SEMA5A: variants seen among roughly 807,000 people sequenced by gnomAD.
The protein encoded by SEMA5A is semaphorin 5A.
SEMA5A carries 55 observed loss-of-function variants against 135.5 expected under a neutral mutation model. The observed-to-expected ratio is 0.41, with a 90% CI of 0.33 to 0.51. The LOEUF is 0.51. Among genes scored for constraint, SEMA5A ranks in the 20% least tolerant of loss-of-function variants. The pLI is 0.37. For synonymous variants in SEMA5A, 580 were observed against 546.5 expected (o/e 1.06, Z -0.85); for missense variants, 1,290 against 1,419.9 (o/e 0.91, Z 1.47).
At chr5:9,088,670 A>T (rs749296956) in intron 16 of SEMA5A, among the ~76,000 whole-genome samples, 3 of 146,282 alleles carry the variant, frequency 2.1e-5, no homozygotes, top group African/African-American at 7.6e-5. Context: ...ACACACACAC[A>T]CTCATGGAAT....
intron 11 of SEMA5A, among the ~76,000 whole-genome samples, chr5:9,170,980 TGA>T (rs1380048625): frequency 2.0e-5 from 3 of 152,100 alleles, no homozygotes; most frequent in African/African-American, 7.2e-5. Context: ...TCAAAAGAGC[TGA>T]GAGAAGAAGG....
At chr5:9,353,189 G>GGGAAAGGAAGGAAA (rs1561177294) in intron 3 of SEMA5A, among the ~76,000 whole-genome samples, 4 of 16,714 alleles carry the variant, frequency 2.4e-4, no homozygotes, top group Non-Finnish European at 3.2e-4. Context: ...AGGAAGGGAA[G>GGGAAAGGAAGGAAA]GGAAAGGAAA....
At chr5:9,069,603 A>C (rs1737663863) in intron 16 of SEMA5A, among the ~76,000 whole-genome samples, 1 of 151,918 alleles carries the variant, frequency 6.6e-6, no homozygotes, top group Admixed American at 6.6e-5. Flanking sequence ...TATTTTTTTT[A>C]CAGCGGATAA....
rs556351592 is a variant in SEMA5A, at chr5:9,227,592, C to T, written c.334-625G>A. Among the ~76,000 whole-genome samples the T allele has an allele frequency of 4.7e-5, 7 of 149,076 alleles. No homozygotes were observed. The East Asian group carries it at 1.4e-3, about 29-fold the overall frequency. On this transcript the variant is annotated intron_variant, in intron 6 of 22. Transcript: ENST00000382496. ...TTGAGACGGAGTCTCGCTCTGTCGC[C>T]CAGGCTGGAGTGCCGTGGTGCAAAT...
chr5:9,416,898 T>G (rs988578717), intron 2 of SEMA5A, among the ~76,000 whole-genome samples: 1 of 152,138 alleles, frequency 6.6e-6, no homozygotes, highest in African/African-American at 2.4e-5. Context: ...TTGTCAATAG[T>G]GCCAAGGTTG....
chr5:9,534,372 A>T (rs1245534683), intron 1 of SEMA5A, among the ~76,000 whole-genome samples: 1 of 152,260 alleles, frequency 6.6e-6, no homozygotes, highest in African/African-American at 2.4e-5. Flanking sequence ...ACTTTTAATT[A>T]AACAACAACA....
chr5:9,052,697 T>C (rs965361443), intron 19 of SEMA5A, among the ~76,000 whole-genome samples: 2 of 152,058 alleles, frequency 1.3e-5, no homozygotes, highest in African/African-American at 2.4e-5. Flanking sequence ...AAGAGGGGCA[T>C]TGAAAGGATA....
At chr5:9,163,006 G>C (rs1743378763) in intron 11 of SEMA5A, among the ~76,000 whole-genome samples, 1 of 152,100 alleles carries the variant, frequency 6.6e-6, no homozygotes, top group Admixed American at 6.6e-5. Context: ...TATAGATTGT[G>C]AGTTCCTAAA....
chr5:9,150,814 G>A (rs146484275), intron 12 of SEMA5A, among the ~76,000 whole-genome samples: 3 of 152,206 alleles, frequency 2.0e-5, no homozygotes, highest in Non-Finnish European at 2.9e-5. Context: ...CGGGAAGGGG[G>A]TTGAGCCTCT....
chr5:9,458,142 C>T (rs1046066869), intron 1 of SEMA5A, among the ~76,000 whole-genome samples: 2 of 151,666 alleles, frequency 1.3e-5, no homozygotes, highest in African/African-American at 4.8e-5. Flanking sequence ...CTCCTGACCT[C>T]GTGATCCGCC....
At chr5:9,465,057 G>A (rs574148712) in intron 1 of SEMA5A, among the ~76,000 whole-genome samples, 2 of 143,772 alleles carry the variant, frequency 1.4e-5, no homozygotes, top group African/African-American at 5.0e-5. Flanking sequence ...GTAACATGAG[G>A]TCATTTCATT....
intron 4 of SEMA5A, among the ~76,000 whole-genome samples, chr5:9,329,853 T>C (rs537589102): frequency 5.3e-4 from 81 of 152,306 alleles, no homozygotes; most frequent in African/African-American, 1.9e-3. Flanking sequence ...GGATTGGTAT[T>C]TGCCTATAAC....
rs370063344 is a variant in SEMA5A at position 9,289,298 on chromosome 5, CTT to C, written c.270+29072_270+29073del. ...GTCTGATTTAACAAAACTTTTTAAACTTAGTGCAATAATTTATGATAGAATGA... is the reference window on the plus strand; with the variant it reads ...GTCTGATTTAACAAAACTTTTTAAACAGTGCAATAATTTATGATAGAATGA... On this transcript the variant is annotated intron_variant, in intron 5 of 22. Coordinates refer to ENST00000382496, the MANE Select transcript of SEMA5A (RefSeq NM_003966.3). Among the ~76,000 whole-genome samples, 226 of 152,208 alleles carry C rather than the reference CTT, an allele frequency of 1.5e-3. 1 individual carries two copies. Among genetic ancestry groups the C allele is most frequent in the African/African-American group, 5.1e-3 (211 of 41,522 alleles).
chr5:9,188,502 C>T (rs71611364), intron 11 of SEMA5A, among the ~76,000 whole-genome samples: 1,669 of 152,248 alleles, frequency 0.011, 16 homozygotes, highest in Middle Eastern at 0.044. Context: ...AGACCTCAGG[C>T]TGCTCTTCAC....
chr5:9,182,160 C>T (rs200244851), intron 11 of SEMA5A, among the ~76,000 whole-genome samples: 2 of 138,514 alleles, frequency 1.4e-5, no homozygotes, highest in Admixed American at 7.2e-5. Context: ...CCCCCCACCC[C>T]AAAAAAAAAT....
At chr5:9,302,794 C>T (rs915797854) in intron 5 of SEMA5A, among the ~76,000 whole-genome samples, 1 of 152,276 alleles carries the variant, frequency 6.6e-6, no homozygotes, top group Non-Finnish European at 1.5e-5. Flanking sequence ...TGTGTTTTCC[C>T]TGACTCATCT....
chr5:9,083,741 A>G (rs1163427964), intron 16 of SEMA5A, among the ~76,000 whole-genome samples: 2 of 152,228 alleles, frequency 1.3e-5, no homozygotes, highest in Non-Finnish European at 1.5e-5. Context: ...AGTTTAAGGA[A>G]GACATGTGGA....
intron 8 of SEMA5A, among the ~76,000 whole-genome samples, chr5:9,222,802 G>A (rs112166860): frequency 1.9e-4 from 29 of 152,302 alleles, no homozygotes; most frequent in African/African-American, 6.3e-4. Context: ...CAACCAGGAC[G>A]CTGACCGATA....
Position 9,109,027 on chromosome 5 carries a change from AATTTTTTTTTTT to A in SEMA5A, c.1926-752_1926-741del, listed in dbSNP as rs1740084505. ...ATCATGAGTCATATTATTTCTCTTC[AATTTTTTTTTTT>A]TTTTTTTTTTTTTTTTTTTGAGACG... On this transcript the variant is annotated intron_variant, in intron 15 of 22. Transcript: ENST00000382496. Among the ~76,000 whole-genome samples the A allele has an allele frequency of 3.4e-5, 4 of 118,928 alleles. 1 individual carries two copies. In the East Asian group the frequency reaches 7.9e-4, roughly 23 times the overall value. 78.0% of individuals were successfully genotyped at this position (118,928 alleles called of 152,430 possible).
Sources: allele counts gnomAD v4.1 joint callset (sites outside exome capture counted in the v4.1 genomes callset), GRCh38; gene constraint gnomAD v4.1.1; transcripts MANE v1.5; gene names NCBI Gene and HGNC (gene_info 2026-07-23, HGNC 2026-07-21).